Variants in LSAMP observed in about 807,000 individuals in gnomAD.
The protein encoded by LSAMP is limbic system-associated membrane protein.
In LSAMP, 7 loss-of-function variants were observed where a neutral mutation model predicts 38.6. The ratio of observed to expected loss-of-function variants is 0.18; its 90% confidence interval spans 0.10 to 0.34. The LOEUF (loss-of-function observed/expected upper bound fraction) is 0.34, where lower values mean the gene tolerates loss of function less well. Ranked by LOEUF, LSAMP falls within the 10% of genes least tolerant of loss-of-function variation. LSAMP has a pLI of 1.00. For synonymous variants in LSAMP, 154 were observed against 166.8 expected, an observed-to-expected ratio of 0.92 and a Z score of 0.59; for missense variants, 313 against 420.0, an observed-to-expected ratio of 0.75 and a Z score of 2.23.
intron 1 of LSAMP, among the ~76,000 whole-genome samples, chr3:116,312,902 A>G (rs1416442437): frequency 6.6e-6 from 1 of 152,138 alleles, no homozygotes; most frequent in Non-Finnish European, 1.5e-5. Context: ...TACTCACAAA[A>G]TGCATGCATT....
chr3:116,157,171 G>C (rs1184582324), intron 1 of LSAMP, among the ~76,000 whole-genome samples: 1 of 152,070 alleles, frequency 6.6e-6, no homozygotes, highest in Non-Finnish European at 1.5e-5. Flanking sequence ...GGGACCCAGT[G>C]CTAGATGATC....
chr3:116,144,552 C>A (rs1388799995), intron 1 of LSAMP, among the ~76,000 whole-genome samples: 1 of 106,210 alleles, frequency 9.4e-6, no homozygotes, highest in African/African-American at 3.5e-5. Context: ...TACTCTATAT[C>A]ATCACCTTAC....
rs548743848 is a variant in LSAMP, at chr3:116,111,842, G to A, written c.156-25286C>T. ...AGCTGTTTTGAAATGTTCTCAACAA[G>A]GTTAAGATGGTCCCTGTAATAGATG... is the stretch of plus-strand genomic sequence containing the variant. On this transcript the variant is annotated intron_variant, in intron 1 of 6. Transcript: ENST00000490035. 3.3e-5 allele frequency among the ~76,000 whole-genome samples: 5 copies of A among 152,302 alleles called. No individual in the cohort carries two copies. In the South Asian group the frequency reaches 1.0e-3, roughly 32 times the overall value.
At chr3:115,961,204 T>C (rs1160323513) in intron 3 of LSAMP, among the ~76,000 whole-genome samples, 1 of 152,214 alleles carries the variant, frequency 6.6e-6, no homozygotes, top group Non-Finnish European at 1.5e-5. Flanking sequence ...GTTTTTCTCA[T>C]AAGATCTTCT....
intron 1 of LSAMP, among the ~76,000 whole-genome samples, chr3:116,136,070 T>A (rs1476771561): frequency 6.6e-6 from 1 of 152,192 alleles, no homozygotes; most frequent in Non-Finnish European, 1.5e-5. Context: ...GGATATTGAT[T>A]TGTGAGGCTA....
chr3:116,158,574 A>G (rs929500117), intron 1 of LSAMP, among the ~76,000 whole-genome samples: 1 of 152,194 alleles, frequency 6.6e-6, no homozygotes, highest in African/African-American at 2.4e-5. Flanking sequence ...CTGACAGGCA[A>G]ATCAAGAACA....
chr3:116,207,127 C>G (rs1366676988), intron 1 of LSAMP, among the ~76,000 whole-genome samples: 1 of 152,066 alleles, frequency 6.6e-6, no homozygotes, highest in African/African-American at 2.4e-5. Flanking sequence ...GTTAGCTCTT[C>G]TTGTTGAATT....
chr3:116,166,956 A>T (rs1019530033), intron 1 of LSAMP, among the ~76,000 whole-genome samples: 3 of 151,638 alleles, frequency 2.0e-5, no homozygotes, highest in African/African-American at 7.3e-5. Context: ...AGGCCCGGCT[A>T]ATTTTTTTGT....
At chr3:115,954,772 C>G (rs749196155) in intron 3 of LSAMP, among the ~76,000 whole-genome samples, 15 of 152,152 alleles carry the variant, frequency 9.9e-5, no homozygotes, top group Non-Finnish European at 1.6e-4. Context: ...TTGGCTCAGG[C>G]TTTTAAAATA....
At chr3:116,302,089 GGAA>G (rs1241502926) in intron 1 of LSAMP, among the ~76,000 whole-genome samples, 1 of 152,178 alleles carries the variant, frequency 6.6e-6, no homozygotes, top group Non-Finnish European at 1.5e-5. Flanking sequence ...CTGTCAAGAA[GGAA>G]GAAGCTGTTC....
At chr3:116,163,046 T>C (rs961914059) in intron 1 of LSAMP, among the ~76,000 whole-genome samples, 2 of 151,668 alleles carry the variant, frequency 1.3e-5, no homozygotes, top group Admixed American at 1.3e-4. Context: ...ATGAAAATAA[T>C]TTTAAAAATG....
At chr3:116,153,271 C>G (rs1413653317) in intron 1 of LSAMP, among the ~76,000 whole-genome samples, 3 of 152,224 alleles carry the variant, frequency 2.0e-5, no homozygotes, top group Middle Eastern at 3.4e-3. Flanking sequence ...TCTAGAACAT[C>G]TGAGAAATGC....
At chr3:115,961,673 T>C (rs9289030) in intron 3 of LSAMP, among the ~76,000 whole-genome samples, 33,524 of 152,100 alleles carry the variant, frequency 0.22, 3,968 homozygotes, top group African/African-American at 0.29. Flanking sequence ...CGTGGGGCAG[T>C]TCAGCCTCCT....
intron 1 of LSAMP, among the ~76,000 whole-genome samples, chr3:116,352,545 T>C (rs1006745826): frequency 1.2e-4 from 19 of 152,006 alleles, no homozygotes; most frequent in African/African-American, 4.3e-4. Flanking sequence ...GTTAAATAAA[T>C]CTCCTTTGAA....
intron 3 of LSAMP, among the ~76,000 whole-genome samples, chr3:115,862,096 AG>A (rs1935721868): frequency 6.6e-6 from 1 of 152,070 alleles, no homozygotes; most frequent in African/African-American, 2.4e-5. Context: ...ACCTGGGGGC[AG>A]GGGGTTGTTT....
At chr3:115,976,869 C>T (rs1939204269) in intron 3 of LSAMP, among the ~76,000 whole-genome samples, 1 of 152,092 alleles carries the variant, frequency 6.6e-6, no homozygotes, top group African/African-American at 2.4e-5. Context: ...CCTGCACAGC[C>T]TGTGGTACTG....
chr3:116,319,177 C>T (rs946309155), intron 1 of LSAMP, among the ~76,000 whole-genome samples: 3 of 152,114 alleles, frequency 2.0e-5, no homozygotes, highest in Admixed American at 2.0e-4. Context: ...ACTTGTTTTA[C>T]CAAAAAGTCA....
At chr3:116,031,493 T>A (rs1940920078) in intron 2 of LSAMP, among the ~76,000 whole-genome samples, 1 of 145,842 alleles carries the variant, frequency 6.9e-6, no homozygotes, top group Non-Finnish European at 1.5e-5. Flanking sequence ...CTTGTAAGGA[T>A]CTCTTAAATG....
intron 1 of LSAMP, among the ~76,000 whole-genome samples, chr3:116,384,093 A>G (rs944767103): frequency 2.0e-5 from 3 of 152,112 alleles, no homozygotes; most frequent in African/African-American, 7.2e-5. Context: ...ATCAAGCCAG[A>G]GAATTATTTG....
Sources: allele counts gnomAD v4.1 joint callset (sites outside exome capture counted in the v4.1 genomes callset), GRCh38; gene constraint gnomAD v4.1.1; transcripts MANE v1.5; gene names NCBI Gene and HGNC (gene_info 2026-07-23, HGNC 2026-07-21).